The following TXNDC11 variants were observed in gnomAD, a reference collection of about 807,000 sequenced individuals.
TXNDC11 encodes thioredoxin domain-containing protein 11.
In TXNDC11, 68 loss-of-function variants were observed where a neutral mutation model predicts 78.0. The observed-to-expected ratio is 0.87, with a 90% CI of 0.72 to 1.07. TXNDC11 has a LOEUF of 1.07. TXNDC11 is among the 50% of genes least tolerant of loss of function. The pLI is 0.00. For missense variants in TXNDC11, 1,389 were observed against 1,221.8 expected (o/e 1.14, Z -2.04); for synonymous variants, 571 against 495.2 (o/e 1.15, Z -2.03).
chr16:11,695,152 G>C (rs145419049), intron 7 of TXNDC11, among the ~76,000 whole-genome samples: 2 of 152,268 alleles, frequency 1.3e-5, no homozygotes, highest in Non-Finnish European at 2.9e-5. Flanking sequence ...AACCTCTCTA[G>C]AACTCTCTAG....
chr16:11,683,956 G>T (rs916785560), intron 11 of TXNDC11, among the ~76,000 whole-genome samples: 11 of 151,906 alleles, frequency 7.2e-5, no homozygotes, highest in Non-Finnish European at 1.3e-4. Flanking sequence ...TCACCATGTC[G>T]GCCAGGCTGG....
chr16:11,721,096 C>T (rs1206636945), intron 5 of TXNDC11, among the ~76,000 whole-genome samples: 1 of 151,886 alleles, frequency 6.6e-6, no homozygotes, highest in African/African-American at 2.4e-5. Context: ...TGAAACAGAA[C>T]AGTATTTCCT....
chr16:11,740,802 G>A (rs892612057), intron 1 of TXNDC11, among the ~76,000 whole-genome samples: 2 of 152,202 alleles, frequency 1.3e-5, no homozygotes, highest in African/African-American at 4.8e-5. Flanking sequence ...TGTGCACTGG[G>A]AAAGATAACA....
Position 11,685,648 on chromosome 16 carries a change from C to CA in TXNDC11, c.2154-1404dup, listed in dbSNP as rs1375804851. 5.1e-3 allele frequency among the ~76,000 whole-genome samples: 719 copies of CA among 142,072 alleles called. 4 individuals carry two copies. The highest frequency in any genetic ancestry group is 0.017 in the African/African-American group (628 of 37,764). The allele number at this position is 142,072 out of a possible 152,430, so 93.2% of individuals were successfully genotyped here. On this transcript the variant is annotated intron_variant, in intron 10 of 11. Coordinates refer to ENST00000283033, the MANE Select transcript of TXNDC11 (RefSeq NM_015914.7). The stretch of plus-strand genomic sequence containing the variant: ...TGGGCAACAGAGCAAGACTCCATCT[C>CA]AAAAAAAAAAACAAAAACAAAAAAC...
Position 11,691,820 on chromosome 16 carries a change from G to T in TXNDC11, c.1370C>A (p.Ser457Ter). Residue 457 changes from serine to a stop codon, truncating the protein, a stop_gained, in exon 8 of 12, where the codon TCG becomes TAG. Coordinates refer to ENST00000283033, the MANE Select transcript of TXNDC11 (RefSeq NM_015914.7). LOFTEE classifies it high-confidence loss of function. ...NQTSGGMKPS[S>*]VSVPQCSFFE... is the part of the protein sequence containing the mutation. ...AAAGCTGCACTGTGGCACGCTGACC[G>T]AGCTCGGCTTCATGCCCCCGGAGGT... 1 of 1,614,246 alleles carries T rather than the reference G, an allele frequency of 6.2e-7. No individual in the cohort carries two copies. Among genetic ancestry groups the T allele is most frequent in the African/African-American group, 1.3e-5 (1 of 75,074 alleles).
At chr16:11,707,866 T>G (rs2051228805) in intron 5 of TXNDC11, among the ~76,000 whole-genome samples, 1 of 151,974 alleles carries the variant, frequency 6.6e-6, no homozygotes, top group Non-Finnish European at 1.5e-5. Context: ...GAGGATCACT[T>G]GAGGCCAGGA....
At chr16:11,718,260 C>T (rs1293815253) in intron 5 of TXNDC11, among the ~76,000 whole-genome samples, 16 of 150,878 alleles carry the variant, frequency 1.1e-4, no homozygotes, top group Non-Finnish European at 7.4e-5. Context: ...CTGGCTATTT[C>T]TAAGACAATT....
intron 5 of TXNDC11, chr16:11,703,815 G>A (rs2051102323): frequency 1.5e-5 from 10 of 686,374 alleles, no homozygotes; most frequent in African/African-American, 8.8e-5. Context: ...AAGTGGGCTG[G>A]GCATGGTGGC....
intron 8 of TXNDC11, chr16:11,690,766 T>G (rs1183986923): frequency 5.2e-5 from 8 of 152,390 alleles, no homozygotes; most frequent in Admixed American, 4.6e-4. Context: ...TTCACCACAT[T>G]AGCCAGGATA....
chr16:11,712,887 A>G (rs1030524231), intron 5 of TXNDC11, among the ~76,000 whole-genome samples: 1 of 151,160 alleles, frequency 6.6e-6, no homozygotes, highest in East Asian at 1.9e-4. Flanking sequence ...CGGGAGTTCA[A>G]GACCAGCCTG....
At chr16:11,714,839 A>G (rs186100393) in intron 5 of TXNDC11, among the ~76,000 whole-genome samples, 71 of 152,228 alleles carry the variant, frequency 4.7e-4, no homozygotes, top group African/African-American at 1.7e-3. Flanking sequence ...CTAAAACACT[A>G]TTTCCCAAAG....
intron 5 of TXNDC11, among the ~76,000 whole-genome samples, chr16:11,715,200 A>C (rs552673582): frequency 6.6e-6 from 1 of 152,312 alleles, no homozygotes; most frequent in African/African-American, 2.4e-5. Flanking sequence ...TGCAGTGAGC[A>C]GAGAACGGAT....
intron 5 of TXNDC11, among the ~76,000 whole-genome samples, chr16:11,719,279 A>T (rs776250499): frequency 1.3e-5 from 2 of 152,160 alleles, no homozygotes; most frequent in Non-Finnish European, 2.9e-5. Flanking sequence ...GCTTTATTTA[A>T]TTTTCCATGA....
chr16:11,739,801 T>C (rs1476324790), intron 1 of TXNDC11, among the ~76,000 whole-genome samples: 3 of 152,032 alleles, frequency 2.0e-5, no homozygotes, highest in Non-Finnish European at 4.4e-5. Flanking sequence ...AAATCAACCT[T>C]TTCCATATTA....
intron 5 of TXNDC11, chr16:11,703,655 T>C (rs187854521): frequency 4.5e-4 from 315 of 702,380 alleles, no homozygotes; most frequent in Non-Finnish European, 5.7e-4. Context: ...GACATCCTAA[T>C]ACCAAAGAGC....
chr16:11,698,176 A>T lies in TXNDC11; in HGVS notation c.1056T>A (p.Phe352Leu). Reference protein sequence around the residue: ...NNELKKGPALFLFIPFNPLAE... With the variant: ...NNELKKGPALLLFIPFNPLAE... ...CCAGGGGATTAAAAGGTATGAACAG[A>T]AACAGCGCTGGTCCTTTCTTCAGCT... is the stretch of plus-strand genomic sequence containing the variant. The change falls in exon 7 of 12, where the codon TTT (phenylalanine) becomes TTA (leucine). Residue 352 changes from phenylalanine to leucine, a missense_variant. Physicochemically the swap from Phe to Leu is conservative, Grantham distance 22 (BLOSUM62 0). Transcript: ENST00000283033. The T allele has an allele frequency of 6.2e-7, 1 of 1,614,234 alleles. No homozygotes were observed. Among genetic ancestry groups the T allele is most frequent in the Non-Finnish European group, 8.5e-7 (1 of 1,180,042 alleles).
At chr16:11,690,204 C>T (rs527274495) in intron 8 of TXNDC11, 1 of 152,200 alleles carries the variant, frequency 6.6e-6, no homozygotes, top group Non-Finnish European at 1.5e-5. Context: ...GCTGAACTAA[C>T]GTGGCTTTTG....
chr16:11,718,556 AAACACC>A (rs1241072333), intron 5 of TXNDC11, among the ~76,000 whole-genome samples: 2 of 152,162 alleles, frequency 1.3e-5, no homozygotes, highest in Non-Finnish European at 2.9e-5. Context: ...ATAATAAGGA[AAACACC>A]ATTTGACTTC....
intron 4 of TXNDC11, among the ~76,000 whole-genome samples, chr16:11,729,375 A>AT (rs1253487557): frequency 6.6e-6 from 1 of 152,174 alleles, no homozygotes; most frequent in Non-Finnish European, 1.5e-5. Context: ...ATTAAGGAAT[A>AT]TTTACTCTGA....
Sources: gnomAD v4.1 joint callset for allele counts (sites outside exome capture counted in the v4.1 genomes callset) on GRCh38, gnomAD v4.1.1 for gene constraint, MANE v1.5 for transcripts, NCBI Gene and HGNC (gene_info 2026-07-23, HGNC 2026-07-21) for gene names.